The following UGT1A6 variants were observed in gnomAD, a reference collection of about 807,000 sequenced individuals.
UGT1A6 encodes the protein UDP glucuronosyltransferase family 1 member A6.
Under a neutral mutation model 44.4 loss-of-function variants are expected in UGT1A6, and 32 were observed. The ratio of observed to expected loss-of-function variants is 0.72; its 90% CI spans 0.54 to 0.97. The LOEUF is 0.97. UGT1A6 is among the 50% of genes least tolerant of loss of function. The probability of loss-of-function intolerance (pLI) is 0.00; values close to 1 mark genes in which losing one functional copy is unlikely to be tolerated. For missense variants in UGT1A6, 685 were observed against 661.9 expected, an observed-to-expected ratio of 1.03 and a Z score of -0.38; for synonymous variants, 238 against 248.5, an observed-to-expected ratio of 0.96 and a Z score of 0.40.
chr2:233,699,722 A>G (rs2075519528), intron 1 of UGT1A6, among the ~76,000 whole-genome samples: 1 of 152,204 alleles, frequency 6.6e-6, no homozygotes, highest in African/African-American at 2.4e-5. Flanking sequence ...AGCATTTTTT[A>G]CGGAGCGTTT....
At chr2:233,701,427 C>T (rs1037772599) in intron 1 of UGT1A6, among the ~76,000 whole-genome samples, 1 of 152,092 alleles carries the variant, frequency 6.6e-6, no homozygotes, top group African/African-American at 2.4e-5. Flanking sequence ...CAACATTAGA[C>T]AGATCAACGA....
Position 233,713,658 on chromosome 2 carries a change from C to T in UGT1A6, c.861+19793C>T, listed in dbSNP as rs376312935. The stretch of plus-strand genomic sequence containing the variant: ...GCTCTACCCTCTGGCCCTGTCCTAC[C>T]TTTGCCATGCTGTTTCTGCTCCTTA... On this transcript the variant is annotated intron_variant, in intron 1 of 4. Coordinates refer to ENST00000305139, the MANE Select transcript of UGT1A6 (RefSeq NM_001072.4). 2 of 1,613,954 alleles carry T rather than the reference C, an allele frequency of 1.2e-6. No homozygotes were observed. Among genetic ancestry groups the T allele is most frequent in the Non-Finnish European group, 1.7e-6 (2 of 1,179,862 alleles).
chr2:233,720,742 G>A (rs2125678345), intron 1 of UGT1A6, among the ~76,000 whole-genome samples: 1 of 144,784 alleles, frequency 6.9e-6, no homozygotes, highest in African/African-American at 2.6e-5. Flanking sequence ...GCCTCGTTCT[G>A]TCGCCCAGGC....
intron 1 of UGT1A6, chr2:233,744,072 T>C (rs1692686314): frequency 2.1e-6 from 1 of 476,432 alleles, no homozygotes; most frequent in South Asian, 2.0e-5. Context: ...TATGAGCGCC[T>C]CGCATCCCAA....
At chr2:233,715,572 G>C (rs1398174608) in intron 1 of UGT1A6, among the ~76,000 whole-genome samples, 1 of 152,076 alleles carries the variant, frequency 6.6e-6, no homozygotes, top group African/African-American at 2.4e-5. Context: ...AGGAGTCTGA[G>C]AGCAGCCTGG....
chr2:233,713,704 T>C (rs778886685), intron 1 of UGT1A6: 1 of 1,613,920 alleles, frequency 6.2e-7, no homozygotes, highest in Admixed American at 1.7e-5. Context: ...GCCTCTGAGC[T>C]TTTTCAGAGA....
intron 1 of UGT1A6, among the ~76,000 whole-genome samples, chr2:233,763,113 C>T (rs529760384): frequency 4.9e-4 from 74 of 152,338 alleles, no homozygotes; most frequent in African/African-American, 1.7e-3. Flanking sequence ...ACTTTATCAG[C>T]TGCCTTTCTG....
intron 1 of UGT1A6, 29 bp from the exon 2 acceptor site, chr2:233,767,005 T>C: frequency 6.2e-7 from 1 of 1,613,726 alleles, no homozygotes; most frequent in African/African-American, 1.3e-5. Flanking sequence ...TGAGAAAAAA[T>C]TAACTGAAAA....
At chr2:233,705,822 G>A (rs1029113786) in intron 1 of UGT1A6, among the ~76,000 whole-genome samples, 1 of 152,156 alleles carries the variant, frequency 6.6e-6, no homozygotes, top group Admixed American at 6.6e-5. Context: ...ATTTCAGGCC[G>A]AGCACAGTGG....
chr2:233,736,362 A>C (rs1213397450), intron 1 of UGT1A6, among the ~76,000 whole-genome samples: 1 of 152,180 alleles, frequency 6.6e-6, no homozygotes, highest in East Asian at 1.9e-4. Context: ...CAGCTCCATC[A>C]GGTCATTTAA....
At chr2:233,749,984 G>T (rs1236503942) in intron 1 of UGT1A6, among the ~76,000 whole-genome samples, 1 of 151,836 alleles carries the variant, frequency 6.6e-6, no homozygotes, top group African/African-American at 2.4e-5. Flanking sequence ...TGTGAGAATG[G>T]ACTAATATAT....
intron 1 of UGT1A6, among the ~76,000 whole-genome samples, chr2:233,726,356 A>T (rs1313638283): frequency 1.3e-5 from 2 of 152,182 alleles, no homozygotes; most frequent in Non-Finnish European, 2.9e-5. Context: ...TTATTTATTT[A>T]AAACACAACA....
Position 233,769,941 on chromosome 2 carries a change from T to G in UGT1A6, c.1301+1502T>G. 1 of 227,092 alleles carries G rather than the reference T, an allele frequency of 4.4e-6. No individual in the cohort carries two copies. The highest frequency in any genetic ancestry group is 9.8e-5 in the East Asian group (1 of 10,154). 14.1% of individuals were successfully genotyped at this position (227,092 alleles called of 1,614,324 possible). On this transcript the variant is annotated intron_variant, in intron 4 of 4. Transcript: ENST00000305139. This position sits in a 1 kb window ranked among gnomAD's most constrained non-coding sequence, Gnocchi z 4.4. ...TGGGTGGTGTGGTCCCATTCCTTCC[T>G]TCCAGCGGCTTCTTCTGGCCACCTC...
At chr2:233,745,905 G>A (rs1693243700) in intron 1 of UGT1A6, among the ~76,000 whole-genome samples, 1 of 151,554 alleles carries the variant, frequency 6.6e-6, no homozygotes, top group Non-Finnish European at 1.5e-5. Context: ...TTTTCAGGGA[G>A]CAGCTGAGGC....
At chr2:233,731,204 C>T (rs755932690) in intron 1 of UGT1A6, among the ~76,000 whole-genome samples, 4 of 151,184 alleles carry the variant, frequency 2.6e-5, no homozygotes, top group Admixed American at 6.6e-5. Context: ...TTATAAAATA[C>T]GTGTTTATTT....
chr2:233,739,772 T>C (rs1691199757), intron 1 of UGT1A6, among the ~76,000 whole-genome samples: 1 of 152,174 alleles, frequency 6.6e-6, no homozygotes, highest in South Asian at 2.1e-4. Context: ...AGTGCTGAAA[T>C]GAGTTAAGAC....
intron 1 of UGT1A6, among the ~76,000 whole-genome samples, chr2:233,704,635 T>C (rs1010635700): frequency 6.6e-6 from 1 of 152,114 alleles, no homozygotes. Context: ...ATATTAACCT[T>C]TTTGCTTATC....
At chr2:233,726,021 C>A (rs745583361) in intron 1 of UGT1A6, among the ~76,000 whole-genome samples, 1 of 152,022 alleles carries the variant, frequency 6.6e-6, no homozygotes, top group Non-Finnish European at 1.5e-5. Flanking sequence ...AAAAAATTAT[C>A]CAGGTGTGAT....
intron 1 of UGT1A6, among the ~76,000 whole-genome samples, chr2:233,695,963 C>CTAATTCAGTTCT (rs2075316258): frequency 6.6e-6 from 1 of 152,174 alleles, no homozygotes; most frequent in Non-Finnish European, 1.5e-5. Flanking sequence ...TGGGTGTCCT[C>CTAATTCAGTTCT]TAATTCAGTT....
Sources: allele counts gnomAD v4.1 joint callset (sites outside exome capture counted in the v4.1 genomes callset), GRCh38; gene constraint gnomAD v4.1.1; non-coding constraint Gnocchi (gnomAD v3.1); transcripts MANE v1.5; gene names NCBI Gene and HGNC (gene_info 2026-07-23, HGNC 2026-07-21).